PRSS12: variants seen among roughly 807,000 people sequenced by gnomAD.
PRSS12 encodes the protein neurotrypsin.
Under a neutral mutation model 104.4 loss-of-function variants are expected in PRSS12, and 85 were observed. The observed-to-expected ratio is 0.81, with a 90% CI of 0.68 to 0.98. The LOEUF (loss-of-function observed/expected upper bound fraction) is 0.98. PRSS12 is among the 50% of genes least tolerant of loss of function. The pLI is 0.00. For synonymous variants in PRSS12, 454 were observed against 425.2 expected, an observed-to-expected ratio of 1.07 and a Z score of -0.83; for missense variants, 1,141 against 1,139.2, an observed-to-expected ratio of 1.00 and a Z score of -0.02.
In PRSS12 at chr4:118,299,751, AAAATAAATAAAATT is replaced by A. The variant is rs1268048030; in HGVS notation, c.1632-827_1632-814del. ...TAAAATAAAATAAAATAAAATAAAT[AAAATAAATAAAATT>A]AAATAAAATAAAATAAAATAAAATA... On this transcript the variant is annotated intron_variant, in intron 8 of 12. Coordinates refer to ENST00000296498, the MANE Select transcript of PRSS12 (RefSeq NM_003619.4). Among the ~76,000 whole-genome samples, 463 of 47,898 alleles carry A rather than the reference AAAATAAATAAAATT, an allele frequency of 9.7e-3. 8 individuals are homozygous for A. Among genetic ancestry groups the A allele is most frequent in the African/African-American group, 0.024 (438 of 18,300 alleles). 31.4% of individuals were successfully genotyped at this position (47,898 alleles called of 152,430 possible).
Position 118,298,801 on chromosome 4 carries a change from C to T in PRSS12, c.1769G>A (p.Arg590His), listed in dbSNP as rs771955102. ...AATAACTCCTGCATCTTCACTGTGGCGGCAGTTGTGTCTTCCAATATCTTG... is the reference window on the plus strand; with the variant it reads ...AATAACTCCTGCATCTTCACTGTGGTGGCAGTTGTGTCTTCCAATATCTTG... ...IKQDIGRHNCRHSEDAGVICD... is the reference protein window; with the variant it reads ...IKQDIGRHNCHHSEDAGVICD... Residue 590 changes from arginine to histidine, a missense_variant, in exon 9 of 13, where the codon CGC becomes CAC. Physicochemically the swap from Arg to His is conservative, Grantham distance 29. Transcript: ENST00000296498. 35 of 1,614,172 alleles carry T rather than the reference C, an allele frequency of 2.2e-5. No individual in the cohort carries two copies. Among genetic ancestry groups the T allele is most frequent in the Middle Eastern group, 1.6e-4 (1 of 6,062 alleles).
At chr4:118,342,115 G>A (rs1410527441) in intron 1 of PRSS12, among the ~76,000 whole-genome samples, 5 of 152,154 alleles carry the variant, frequency 3.3e-5, no homozygotes. Context: ...CAAAGTTGTA[G>A]GAGGACTATG....
intron 11 of PRSS12, among the ~76,000 whole-genome samples, chr4:118,283,441 T>G (rs1742941309): frequency 6.6e-6 from 1 of 152,210 alleles, no homozygotes; most frequent in South Asian, 2.1e-4. Context: ...TGTCCTGTGT[T>G]GTTGCCCTGT....
intron 11 of PRSS12, among the ~76,000 whole-genome samples, chr4:118,285,567 T>C (rs889738073): frequency 3.3e-5 from 5 of 152,202 alleles, no homozygotes; most frequent in African/African-American, 1.2e-4. Context: ...TAGTAGCCAC[T>C]AGCTAACTGT....
chr4:118,349,097 G>A (rs1724428704), intron 1 of PRSS12, among the ~76,000 whole-genome samples: 1 of 152,024 alleles, frequency 6.6e-6, no homozygotes, highest in Non-Finnish European at 1.5e-5. Flanking sequence ...CCTTCAACTT[G>A]GCTTCAATCA....
At chr4:118,351,762 T>C (rs907379823) in intron 1 of PRSS12, among the ~76,000 whole-genome samples, 1 of 151,976 alleles carries the variant, frequency 6.6e-6, no homozygotes, top group African/African-American at 2.4e-5. Flanking sequence ...AAAATCGGAG[T>C]CTAAAGAATG....
rs561110491 is a variant in PRSS12 at position 118,301,259 on chromosome 4, T to C, written c.1632-2321A>G. ...TGTGCACAAGCCATTTCTTGGTCTT[T>C]ATAGTTCAGTAATTCACAACCTTGG... On this transcript the variant is annotated intron_variant, in intron 8 of 12. Transcript: ENST00000296498. Among the ~76,000 whole-genome samples, 35 of 152,346 alleles carry C rather than the reference T, an allele frequency of 2.3e-4. No individual in the cohort carries two copies. In the South Asian group the frequency reaches 6.8e-3, roughly 30 times the overall value.
chr4:118,301,855 T>C (rs1743413758), intron 8 of PRSS12, among the ~76,000 whole-genome samples: 1 of 152,204 alleles, frequency 6.6e-6, no homozygotes, highest in South Asian at 2.1e-4. Flanking sequence ...GTTGATTCTC[T>C]TGGGTTTTCT....
intron 1 of PRSS12, among the ~76,000 whole-genome samples, chr4:118,347,598 C>G (rs1724390359): frequency 6.6e-6 from 1 of 152,194 alleles, no homozygotes. Flanking sequence ...GCAAGTTGCC[C>G]CATCTGCTAT....
intron 4 of PRSS12, among the ~76,000 whole-genome samples, chr4:118,330,411 G>GA (rs1352287322): frequency 6.6e-6 from 1 of 151,554 alleles, no homozygotes; most frequent in East Asian, 1.9e-4. Flanking sequence ...ACACCAGAAG[G>GA]AAAAAAATAA....
At chr4:118,338,872 G>T (rs1724128562) in intron 1 of PRSS12, among the ~76,000 whole-genome samples, 1 of 152,092 alleles carries the variant, frequency 6.6e-6, no homozygotes, top group Admixed American at 6.5e-5. Flanking sequence ...TTAACTTTCA[G>T]TAGTAGTCAT....
At position 118,318,384 on chromosome 4, in the gene PRSS12, G is replaced by A. The variant is rs146677360; in HGVS notation, c.1144C>T (p.Leu382=). ...KEDAGVSCTP[L]TDGVIRLAGG... is the part of the protein sequence containing the mutation. ...AATGGAGTGAAATCCTTACCTGTTAGAGGGGTACAGGACACTCCAGCATCT... is the reference window on the plus strand; with the variant it reads ...AATGGAGTGAAATCCTTACCTGTTAAAGGGGTACAGGACACTCCAGCATCT... The change falls in exon 5 of 13, where the codon CTA becomes TTA. Residue 382 remains leucine, a synonymous_variant. Coordinates refer to ENST00000296498, the MANE Select transcript of PRSS12 (RefSeq NM_003619.4). 607 of 1,613,936 alleles carry A rather than the reference G, an allele frequency of 3.8e-4. 9 individuals are homozygous for A. In the East Asian group the frequency reaches 0.011, roughly 28 times the overall value.
chr4:118,338,039 T>G, intron 2 of PRSS12, 137 bp downstream of exon 2: 1 of 1,137,164 alleles, frequency 8.8e-7, no homozygotes, highest in Non-Finnish European at 1.3e-6. Flanking sequence ...CCTTTCTTTA[T>G]AGCTCTTTTG....
intron 11 of PRSS12, among the ~76,000 whole-genome samples, chr4:118,288,175 C>G (rs773289225): frequency 1.3e-5 from 2 of 152,180 alleles, no homozygotes; most frequent in Non-Finnish European, 2.9e-5. Flanking sequence ...ATCTGTTTTT[C>G]CTCTCTGGAT....
At chr4:118,306,730 A>G (rs1167195488) in intron 8 of PRSS12, among the ~76,000 whole-genome samples, 2 of 152,230 alleles carry the variant, frequency 1.3e-5, no homozygotes, top group Non-Finnish European at 2.9e-5. Context: ...ACAAATATCC[A>G]AACTATATCA....
At position 118,281,995 on chromosome 4, in the gene PRSS12, C is replaced by T; in HGVS notation, c.2569G>A (p.Gly857Ser). 2 of 1,575,714 alleles carry T rather than the reference C, an allele frequency of 1.3e-6. No individual in the cohort carries two copies. Among genetic ancestry groups the T allele is most frequent in the Non-Finnish European group, 1.7e-6 (2 of 1,144,904 alleles). Residue 857 changes from glycine (G) to serine (S), a missense_variant, in exon 13 of 13, where the codon GGT becomes AGT. Coordinates refer to ENST00000296498, the MANE Select transcript of PRSS12 (RefSeq NM_003619.4). ...GYGCGVKDSPGVYTKVSAFVP... is the reference protein window; with the variant it reads ...GYGCGVKDSPSVYTKVSAFVP... Reference sequence around the variant, plus strand: ...AAGGCTGAGACTTTGGTATAAACACCAGGAGAATCCTTGACTCCACAGCCA... The same window carrying T: ...AAGGCTGAGACTTTGGTATAAACACTAGGAGAATCCTTGACTCCACAGCCA...
intron 1 of PRSS12, 44 bp from the exon 2 acceptor site, chr4:118,338,358 C>A: frequency 6.2e-7 from 1 of 1,609,570 alleles, no homozygotes; most frequent in South Asian, 1.1e-5. Context: ...AGTAAATAAT[C>A]ATTTGAACAT....
In PRSS12 at chr4:118,308,315, C is replaced by T. The variant is rs142647701; in HGVS notation, c.1631+121G>A. 1.8e-3 allele frequency: 2,326 copies of T among 1,319,874 alleles called. 34 individuals are homozygous for T. In the African/African-American group the frequency reaches 0.029, roughly 16 times the overall value. 81.8% of individuals were successfully genotyped at this position (1,319,874 alleles called of 1,614,324 possible). A position where few individuals can be genotyped will look rare whatever the true frequency, so the allele number is the denominator to read the frequency against. ...AATTCTGGATCAAATCAATATGCTG[C>T]CAGTATTTTCAAATGAATGACAGAA... On this transcript the variant is annotated intron_variant, in intron 8 of 12. Transcript: ENST00000296498.
chr4:118,316,471 C>A, intron 5 of PRSS12, 148 bp from the exon 6 acceptor site: 1 of 977,230 alleles, frequency 1.0e-6, no homozygotes, highest in Admixed American at 2.1e-5. Context: ...CTAAATGACC[C>A]TCTGAGGTTA....
Sources: allele counts gnomAD v4.1 joint callset (sites outside exome capture counted in the v4.1 genomes callset), GRCh38; gene constraint gnomAD v4.1.1; transcripts MANE v1.5; gene names NCBI Gene and HGNC (gene_info 2026-07-23, HGNC 2026-07-21).